The following TTC34 variants were observed in gnomAD, a reference collection of about 807,000 sequenced individuals.
The protein encoded by TTC34 is tetratricopeptide repeat protein 34.
A neutral mutation model predicts 40.7 loss-of-function variants in TTC34; 44 were observed. The ratio of observed to expected loss-of-function variants is 1.08; its 90% CI spans 0.85 to 1.39. TTC34 has a LOEUF of 1.39. Among genes scored for constraint, TTC34 ranks in the 40% most tolerant of loss-of-function variants. The probability of loss-of-function intolerance (pLI) is 0.00; values close to 1 mark genes in which losing one functional copy is unlikely to be tolerated. For missense variants in TTC34, 884 were observed against 838.0 expected, an observed-to-expected ratio of 1.05 and a Z score of -0.68; for synonymous variants, 422 against 398.6, an observed-to-expected ratio of 1.06 and a Z score of -0.70.
At position 2,692,264 on chromosome 1, in the gene TTC34, C is replaced by A. The variant is rs61765739; in HGVS notation, c.2227-46701G>T. On this transcript the variant is annotated intron_variant, in intron 6 of 8. Transcript: ENST00000401095. ...CCGACAGCCTGGAGCAGCACCCACA[C>A]CCTCAGGTGAGCATCTGACAGCCTG... Among the ~76,000 whole-genome samples the A allele has an allele frequency of 1.6e-4, 12 of 74,166 alleles. 2 individuals carry two copies. The highest frequency in any genetic ancestry group is 6.6e-4 in the East Asian group (2 of 3,018). The allele number at this position is 74,166 out of a possible 152,430, so 48.7% of individuals were successfully genotyped here.
At chr1:2,644,199 C>CG in intron 8 of TTC34, 65 bp downstream of exon 8, 2 of 1,459,814 alleles carry the variant, frequency 1.4e-6, no homozygotes, top group Admixed American at 2.0e-5. Flanking sequence ...GTGGTGGGCC[C>CG]GGGGGTCTCA....
chr1:2,756,019 A>C (rs1335195568), intron 6 of TTC34, among the ~76,000 whole-genome samples: 503 of 44,446 alleles, frequency 0.011, no homozygotes, highest in Middle Eastern at 0.052. Flanking sequence ...GAAACAGCAC[A>C]CACACCCCCA....
chr1:2,787,720 A>G lies in TTC34; in HGVS notation c.1629-14T>C. 1.3e-6 allele frequency: 2 copies of G among 1,512,330 alleles called. No homozygotes were observed. Among genetic ancestry groups the G allele is most frequent in the Non-Finnish European group, 1.8e-6 (2 of 1,121,434 alleles). 93.7% of individuals were successfully genotyped at this position (1,512,330 alleles called of 1,614,324 possible). A position where few individuals can be genotyped will look rare whatever the true frequency, so the allele number is the denominator to read the frequency against. On this transcript the variant is annotated splice_polypyrimidine_tract_variant and intron_variant, in intron 3 of 8. Coordinates refer to ENST00000401095, the Ensembl canonical transcript of TTC34. ...CCGCAGGCGACCCTGTGTGGAGATCAGCTCAGGGGGGCATGCCCCTTTTGA... is the reference window on the plus strand; with the variant it reads ...CCGCAGGCGACCCTGTGTGGAGATCGGCTCAGGGGGGCATGCCCCTTTTGA...
intron 6 of TTC34, among the ~76,000 whole-genome samples, chr1:2,683,391 C>A (rs1277986462): frequency 3.1e-5 from 1 of 31,954 alleles, no homozygotes; most frequent in Non-Finnish European, 8.6e-5. Flanking sequence ...AGCACCCACA[C>A]GCCCAGGTGA....
chr1:2,699,611 C>G (rs1464278924), intron 6 of TTC34, among the ~76,000 whole-genome samples: 1 of 100,854 alleles, frequency 9.9e-6, no homozygotes, highest in South Asian at 3.2e-4. Flanking sequence ...GCAGCACCCA[C>G]ACACCCAGGT....
intron 6 of TTC34, among the ~76,000 whole-genome samples, chr1:2,686,673 C>G (rs1162426044): frequency 1.3e-5 from 2 of 151,374 alleles, no homozygotes; most frequent in Non-Finnish European, 2.9e-5. Context: ...CCTGGAACAG[C>G]ACCCTGCACC....
At chr1:2,652,417 A>C (rs1300362584) in intron 6 of TTC34, among the ~76,000 whole-genome samples, 614 of 148,956 alleles carry the variant, frequency 4.1e-3, no homozygotes, top group Middle Eastern at 0.01. Flanking sequence ...CCCAGTGAGC[A>C]TCTGACAGCC....
At chr1:2,752,418 T>C (rs1641351548) in intron 6 of TTC34, among the ~76,000 whole-genome samples, 3 of 141,210 alleles carry the variant, frequency 2.1e-5, no homozygotes, top group Non-Finnish European at 1.5e-5. Context: ...CACACCCAGG[T>C]GAGCATCTGA....
intron 6 of TTC34, among the ~76,000 whole-genome samples, chr1:2,687,640 C>A (rs1461665346): frequency 1.3e-5 from 2 of 151,838 alleles, no homozygotes; most frequent in African/African-American, 4.9e-5. Flanking sequence ...TGGAACAGCA[C>A]CCACACCCCC....
intron 6 of TTC34, among the ~76,000 whole-genome samples, chr1:2,759,444 G>A (rs1245781024): frequency 1.6e-4 from 19 of 121,606 alleles, no homozygotes; most frequent in South Asian, 3.1e-4. Context: ...ACACTCCCAG[G>A]CGAGCATCTG....
intron 6 of TTC34, among the ~76,000 whole-genome samples, chr1:2,767,362 T>C (rs1422863134): frequency 1.8e-3 from 59 of 32,698 alleles, no homozygotes; most frequent in African/African-American, 3.3e-3. Flanking sequence ...TCATCCTCAC[T>C]TCCAGGTGAG....
intron 6 of TTC34, 46 bp downstream of exon 6, chr1:2,783,563 C>T (rs1268052689): frequency 2.3e-6 from 3 of 1,324,382 alleles, no homozygotes; most frequent in Non-Finnish European, 2.9e-6. Flanking sequence ...CTCCCTGGGT[C>T]CCCCACCCGT....
At chr1:2,779,718 G>A (rs1001750374) in intron 6 of TTC34, among the ~76,000 whole-genome samples, 1 of 152,164 alleles carries the variant, frequency 6.6e-6, no homozygotes, top group Non-Finnish European at 1.5e-5. Flanking sequence ...GAAGGTTCCA[G>A]TTTCTTCACA....
chr1:2,783,776 C>A lies in TTC34; in HGVS notation c.2060-1G>T. ...AGGAGGGACTCACTTGCCTGGCTTC[C>A]TGCAGGAAGACGGCATGGGGTCAGG... On this transcript the variant is annotated splice_acceptor_variant, in intron 5 of 8. Coordinates refer to ENST00000401095, the Ensembl canonical transcript of TTC34. LOFTEE classifies it high-confidence loss of function. 1 of 1,497,946 alleles carries A rather than the reference C, an allele frequency of 6.7e-7. No homozygotes were observed. The allele number at this position is 1,497,946 out of a possible 1,614,324, so 92.8% of individuals were successfully genotyped here. A position where few individuals can be genotyped will look rare whatever the true frequency, so the allele number is the denominator to read the frequency against.
intron 6 of TTC34, among the ~76,000 whole-genome samples, chr1:2,692,494 G>A (rs563675718): frequency 1.6e-5 from 2 of 125,120 alleles, no homozygotes; most frequent in African/African-American, 3.2e-5. Context: ...GCCTGGAACA[G>A]CAGCCTGCAC....
At chr1:2,750,008 C>G (rs1266722751) in intron 6 of TTC34, among the ~76,000 whole-genome samples, 4 of 80,096 alleles carry the variant, frequency 5.0e-5, no homozygotes, top group Admixed American at 4.2e-4. Context: ...CCCACATCCC[C>G]AGGCGAGCAT....
intron 6 of TTC34, among the ~76,000 whole-genome samples, chr1:2,676,900 A>G: frequency 7.4e-6 from 1 of 135,716 alleles, no homozygotes; most frequent in Non-Finnish European, 1.6e-5. Flanking sequence ...ACAGGTGAGC[A>G]TCTGACAGCC....
At chr1:2,688,340 G>C (rs1180805282) in intron 6 of TTC34, among the ~76,000 whole-genome samples, 1 of 140,054 alleles carries the variant, frequency 7.1e-6, no homozygotes, top group Non-Finnish European at 1.5e-5. Flanking sequence ...CCCCAGGTGA[G>C]CATCGGACAG....
rs1326726625 is a variant in TTC34 at position 2,692,506 on chromosome 1, C to T, written c.2227-46943G>A. ...ACAGCCTGGAACAGCAGCCTGCACC[C>T]CCAGGTGTGCACGTGACAGCTTGGA... On this transcript the variant is annotated intron_variant, in intron 6 of 8. Transcript: ENST00000401095. Among the ~76,000 whole-genome samples, 49 of 94,042 alleles carry T rather than the reference C, an allele frequency of 5.2e-4. 1 individual carries two copies. Among genetic ancestry groups the T allele is most frequent in the African/African-American group, 7.3e-4 (20 of 27,530 alleles). 61.7% of individuals were successfully genotyped at this position (94,042 alleles called of 152,430 possible). A position where few individuals can be genotyped will look rare whatever the true frequency, so the allele number is the denominator to read the frequency against.
Sources: gnomAD v4.1 joint callset for allele counts (sites outside exome capture counted in the v4.1 genomes callset) on GRCh38, gnomAD v4.1.1 for gene constraint, MANE v1.5 for transcripts, NCBI Gene and HGNC (gene_info 2026-07-23, HGNC 2026-07-21) for gene names.